Variants in PDE3A observed in about 807,000 individuals in gnomAD.
PDE3A encodes the protein cGMP-inhibited 3',5'-cyclic phosphodiesterase 3A.
PDE3A carries 43 observed loss-of-function variants against 98.3 expected under a neutral mutation model. That is an observed-to-expected ratio of 0.44 (90% confidence interval 0.34 to 0.56). PDE3A has a LOEUF of 0.56. Among genes scored for constraint, PDE3A ranks in the 20% least tolerant of loss-of-function variants. The pLI, the probability that PDE3A is intolerant of heterozygous loss-of-function variation, is 0.01. For missense variants in PDE3A, 1,427 were observed against 1,440.7 expected (o/e 0.99, Z 0.15); for synonymous variants, 663 against 567.9 (o/e 1.17, Z -2.38).
chr12:20,680,604 A>G lies in PDE3A; in HGVS notation c.*333A>G, dbSNP rs533501791. 1 of 188,066 alleles carries G rather than the reference A, an allele frequency of 5.3e-6. No homozygotes were observed. Among genetic ancestry groups the G allele is most frequent in the African/African-American group, 2.3e-5 (1 of 42,752 alleles). 11.6% of individuals were successfully genotyped at this position (188,066 alleles called of 1,614,324 possible). A position where few individuals can be genotyped will look rare whatever the true frequency, so the allele number is the denominator to read the frequency against. On this transcript the variant is annotated 3_prime_UTR_variant, in exon 16 of 16. Coordinates refer to ENST00000359062, the MANE Select transcript of PDE3A (RefSeq NM_000921.5). ...ACACACATACACACTGAAGGCCACG[A>G]TTGCTGGCTCCACAATTTAGTAACA... is the stretch of plus-strand genomic sequence containing the variant.
chr12:20,549,203 T>G (rs1942134068), intron 1 of PDE3A, among the ~76,000 whole-genome samples: 1 of 151,970 alleles, frequency 6.6e-6, no homozygotes, highest in Non-Finnish European at 1.5e-5. Flanking sequence ...GAACTATGTT[T>G]TTATGACAGT....
intron 1 of PDE3A, among the ~76,000 whole-genome samples, chr12:20,399,552 G>T (rs1367049990): frequency 3.3e-5 from 5 of 152,054 alleles, no homozygotes; most frequent in African/African-American, 4.8e-5. Context: ...TTATTGCTTG[G>T]CTTGTCTTTA....
At chr12:20,544,333 A>G (rs966965715) in intron 1 of PDE3A, among the ~76,000 whole-genome samples, 1 of 151,750 alleles carries the variant, frequency 6.6e-6, no homozygotes, top group African/African-American at 2.4e-5. Flanking sequence ...CATCTGATAT[A>G]TAATTTATAT....
intron 1 of PDE3A, among the ~76,000 whole-genome samples, chr12:20,503,723 T>C (rs903398069): frequency 6.6e-6 from 1 of 152,100 alleles, no homozygotes; most frequent in Non-Finnish European, 1.5e-5. Flanking sequence ...CTGTGTTTGA[T>C]AGTTTTGCTT....
intron 14 of PDE3A, 128 bp from the exon 15 acceptor site, chr12:20,653,819 C>A: frequency 1.1e-6 from 1 of 950,690 alleles, no homozygotes; most frequent in Non-Finnish European, 1.6e-6. Context: ...CTATAGGAAC[C>A]TTAGCACTTG....
chr12:20,492,182 C>A (rs1206685245), intron 1 of PDE3A, among the ~76,000 whole-genome samples: 1 of 152,108 alleles, frequency 6.6e-6, no homozygotes, highest in African/African-American at 2.4e-5. Context: ...GGTTTCACCA[C>A]GTTGTCCAAG....
chr12:20,688,206 G>T lies in PDE3A; in HGVS notation c.*7935G>T, dbSNP rs1946031752. The stretch of plus-strand genomic sequence containing the variant: ...CTAGAAAAACAAGAGTGAGTCTTTT[G>T]AACTTCATCATTTTGCAATTGAAAT... On this transcript the variant is annotated 3_prime_UTR_variant, in exon 16 of 16. Transcript: ENST00000359062. 6.6e-6 allele frequency among the ~76,000 whole-genome samples: 1 copy of T among 151,720 alleles called. No individual in the cohort carries two copies.
chr12:20,617,881 C>G (rs1022167709), intron 4 of PDE3A, among the ~76,000 whole-genome samples: 5 of 152,052 alleles, frequency 3.3e-5, no homozygotes, highest in African/African-American at 1.2e-4. Context: ...GAAATGATGA[C>G]AAGGAAGGAA....
At chr12:20,610,454 T>C (rs537270178) in intron 2 of PDE3A, among the ~76,000 whole-genome samples, 62 of 152,110 alleles carry the variant, frequency 4.1e-4, no homozygotes, top group African/African-American at 1.3e-3. Context: ...GTTAGAAATG[T>C]AGATTGGTAC....
intron 2 of PDE3A, among the ~76,000 whole-genome samples, chr12:20,563,444 A>AG (rs1565590182): frequency 1.3e-5 from 2 of 152,134 alleles, no homozygotes; most frequent in Non-Finnish European, 2.9e-5. Context: ...GCTCATTATT[A>AG]GTCTCTCAAA....
Position 20,680,355 on chromosome 12 carries a change from C to T in PDE3A, c.*84C>T. 1 of 1,390,028 alleles carries T rather than the reference C, an allele frequency of 7.2e-7. No homozygotes were observed. Among genetic ancestry groups the T allele is most frequent in the Non-Finnish European group, 9.8e-7 (1 of 1,020,218 alleles). 86.1% of individuals were successfully genotyped at this position (1,390,028 alleles called of 1,614,324 possible). ...GCCAGCACAACATTTAGACACAACA[C>T]TGTAGAAATTTGAGATGGGCAAATG... On this transcript the variant is annotated 3_prime_UTR_variant, in exon 16 of 16. Transcript: ENST00000359062.
chr12:20,586,140 A>C (rs1258495851), intron 2 of PDE3A, among the ~76,000 whole-genome samples: 2 of 152,194 alleles, frequency 1.3e-5, no homozygotes, highest in South Asian at 4.1e-4. Context: ...TAAAGGGAAC[A>C]TGTTCCAAAA....
intron 1 of PDE3A, among the ~76,000 whole-genome samples, chr12:20,389,762 A>G (rs1943880016): frequency 6.6e-6 from 1 of 151,994 alleles, no homozygotes; most frequent in Non-Finnish European, 1.5e-5. Flanking sequence ...CAGAAAGGTC[A>G]TAGCTAAATT....
At chr12:20,585,681 A>G (rs1289790303) in intron 2 of PDE3A, among the ~76,000 whole-genome samples, 10 of 152,220 alleles carry the variant, frequency 6.6e-5, no homozygotes, top group Admixed American at 5.2e-4. Context: ...GCATGCTACT[A>G]GACAGATAGT....
At chr12:20,651,830 C>CAT (rs1372439650) in intron 14 of PDE3A, among the ~76,000 whole-genome samples, 1 of 152,098 alleles carries the variant, frequency 6.6e-6, no homozygotes, top group Non-Finnish European at 1.5e-5. Flanking sequence ...AGGTTTGTTA[C>CAT]ATATATATAC....
At chr12:20,644,000 C>T (rs896385182) in intron 10 of PDE3A, among the ~76,000 whole-genome samples, 1 of 151,868 alleles carries the variant, frequency 6.6e-6, no homozygotes, top group African/African-American at 2.4e-5. Flanking sequence ...TGTGATACTG[C>T]CCCCCATCCA....
At chr12:20,430,124 G>T (rs1944671063) in intron 1 of PDE3A, among the ~76,000 whole-genome samples, 1 of 152,034 alleles carries the variant, frequency 6.6e-6, no homozygotes, top group Admixed American at 6.6e-5. Flanking sequence ...TTGTACAAAG[G>T]CATTTTAAGA....
At position 20,492,556 on chromosome 12, in the gene PDE3A, T is replaced by C. The variant is rs114173303; in HGVS notation, c.961-64104T>C. On this transcript the variant is annotated intron_variant, in intron 1 of 15. Coordinates refer to ENST00000359062, the MANE Select transcript of PDE3A (RefSeq NM_000921.5). ...GGTGCCCAAAAAGTGAAAGTGGTTA[T>C]CACTAGGACCAAAGGCACGAGGAGA... Among the ~76,000 whole-genome samples, 1,481 of 152,108 alleles carry C rather than the reference T, an allele frequency of 9.7e-3. 28 individuals carry two copies. The highest frequency in any genetic ancestry group is 0.034 in the African/African-American group (1,404 of 41,482).
intron 2 of PDE3A, among the ~76,000 whole-genome samples, chr12:20,565,166 C>T (rs1942624638): frequency 6.6e-6 from 1 of 152,030 alleles, no homozygotes; most frequent in Non-Finnish European, 1.5e-5. Context: ...AAGTATTTTG[C>T]ACGTACGTTC....
Sources: allele counts gnomAD v4.1 joint callset (sites outside exome capture counted in the v4.1 genomes callset), GRCh38; gene constraint gnomAD v4.1.1; transcripts MANE v1.5; gene names NCBI Gene and HGNC (gene_info 2026-07-23, HGNC 2026-07-21).